The following MAPT variants were observed in gnomAD, a reference collection of about 807,000 sequenced individuals.
MAPT encodes the protein microtubule-associated protein tau.
MAPT carries 34 observed loss-of-function variants against 67.9 expected under a neutral mutation model. The ratio of observed to expected loss-of-function variants is 0.50; its 90% CI spans 0.38 to 0.67. The LOEUF (loss-of-function observed/expected upper bound fraction) is 0.67, where lower values mean the gene tolerates loss of function less well. Ranked by LOEUF, MAPT falls within the 30% of genes least tolerant of loss-of-function variation. MAPT has a pLI of 0.00. For missense variants in MAPT, 881 were observed against 1,115.2 expected, an observed-to-expected ratio of 0.79 and a Z score of 2.99; for synonymous variants, 456 against 464.5, an observed-to-expected ratio of 0.98 and a Z score of 0.23.
intron 1 of MAPT, among the ~76,000 whole-genome samples, chr17:45,949,142 C>T (rs942692213): frequency 1.3e-5 from 2 of 152,266 alleles, no homozygotes; most frequent in African/African-American, 4.8e-5. Context: ...AGGAGGACCA[C>T]GCTTTCCCCA....
intron 1 of MAPT, among the ~76,000 whole-genome samples, chr17:45,959,942 A>G (rs2070200497): frequency 6.6e-6 from 1 of 152,226 alleles, no homozygotes; most frequent in Admixed American, 6.5e-5. Context: ...AGTGCCCCTG[A>G]TGTTTACAAA....
intron 1 of MAPT, among the ~76,000 whole-genome samples, chr17:45,902,798 T>C (rs1266394559): frequency 6.6e-6 from 1 of 152,204 alleles, no homozygotes; most frequent in African/African-American, 2.4e-5. Flanking sequence ...CAGTTTTAAA[T>C]CAGCAAGTGA....
intron 6 of MAPT, 66 bp from the exon 7 acceptor site, chr17:45,989,812 T>C: frequency 7.0e-7 from 1 of 1,421,002 alleles, no homozygotes; most frequent in South Asian, 1.1e-5. Flanking sequence ...ACTGTCCTTT[T>C]TTCAGTTTGT....
Position 45,915,287 on chromosome 17 carries a change from G to C in MAPT, c.-18+20601G>C, listed in dbSNP as rs919430897. Reference sequence around the variant, plus strand: ...GAGTGTGTATGTGTGTGGTGTGGGGGTGTGTGCTGTGTGAGCGTGTGTGAG... The same window carrying C: ...GAGTGTGTATGTGTGTGGTGTGGGGCTGTGTGCTGTGTGAGCGTGTGTGAG... On this transcript the variant is annotated intron_variant, in intron 1 of 12. Transcript: ENST00000262410. The surrounding 1 kb of genome is among the most constrained non-coding windows in gnomAD (Gnocchi z 4.4). Among the ~76,000 whole-genome samples, 1 of 151,360 alleles carries C rather than the reference G, an allele frequency of 6.6e-6. No individual in the cohort carries two copies. Among genetic ancestry groups the C allele is most frequent in the African/African-American group, 2.4e-5 (1 of 41,112 alleles).
intron 10 of MAPT, 25 bp from the exon 11 acceptor site, chr17:46,014,216 TTC>T (rs753141819): frequency 7.2e-7 from 1 of 1,398,474 alleles, no homozygotes; most frequent in Non-Finnish European, 1.0e-6. Context: ...GCCTTTCCTC[TTC>T]TCTCTCCTCC....
chr17:45,919,276 A>G (rs1457954678), intron 1 of MAPT, among the ~76,000 whole-genome samples: 2 of 151,806 alleles, frequency 1.3e-5, no homozygotes, highest in East Asian at 3.9e-4. Context: ...TCCTCTAGAG[A>G]CAGTCCTCCT....
chr17:45,987,453 T>C lies in MAPT; in HGVS notation c.1407+358T>C, dbSNP rs555049752. Among the ~76,000 whole-genome samples the C allele has an allele frequency of 5.3e-5, 8 of 152,308 alleles. No homozygotes were observed. In the South Asian group the frequency reaches 1.2e-3, roughly 24 times the overall value. The stretch of plus-strand genomic sequence containing the variant: ...AGCCCTAGGACAGTAAATGAAGCCA[T>C]CTTCTCACTGCATAAACTGCACCCA... On this transcript the variant is annotated intron_variant, in intron 6 of 12. Transcript: ENST00000262410.
In MAPT at chr17:45,974,395, A is replaced by G. The variant is rs773274633; in HGVS notation, c.220+2450A>G. ...CTCGGTGGTTTCTAGATGTGACAGC[A>G]CCCTTAGTGGATGAGGGAGCTCCCG... On this transcript the variant is annotated intron_variant, in intron 3 of 12. Coordinates refer to ENST00000262410, the MANE Select transcript of MAPT (RefSeq NM_001377265.1). The G allele has an allele frequency of 5.0e-5, 81 of 1,607,270 alleles. No individual in the cohort carries two copies. The highest frequency in any genetic ancestry group is 6.7e-5 in the Non-Finnish European group (79 of 1,177,950).
chr17:45,965,775 G>A (rs1052429541), intron 2 of MAPT, among the ~76,000 whole-genome samples: 4 of 152,110 alleles, frequency 2.6e-5, no homozygotes, highest in African/African-American at 9.7e-5. Flanking sequence ...CCTGATTTGG[G>A]TGATAGTAAA....
At chr17:46,023,875 G>A in intron 12 of MAPT, 81 bp from the exon 13 acceptor site, 5 of 1,216,796 alleles carry the variant, frequency 4.1e-6, no homozygotes, top group Non-Finnish European at 6.1e-6. Flanking sequence ...GGCACTCTGG[G>A]CCAGGCCTGG....
rs772994199 is a variant in MAPT, at chr17:45,999,625, C to A, written c.1998+2961C>A. ...CCACCCTGCAGCTGCCCTGCCTCTGCCCATGAGGGGTGAGAGTCAGGCGAC... is the reference window on the plus strand; with the variant it reads ...CCACCCTGCAGCTGCCCTGCCTCTGACCATGAGGGGTGAGAGTCAGGCGAC... On this transcript the variant is annotated intron_variant, in intron 9 of 12. Coordinates refer to ENST00000262410, the MANE Select transcript of MAPT (RefSeq NM_001377265.1). 19 of 1,611,394 alleles carry A rather than the reference C, an allele frequency of 1.2e-5. No individual in the cohort carries two copies. The Admixed American group carries it at 2.8e-4, about 24-fold the overall frequency.
At chr17:45,931,531 G>A (rs1199877141) in intron 1 of MAPT, among the ~76,000 whole-genome samples, 3 of 152,146 alleles carry the variant, frequency 2.0e-5, no homozygotes, top group African/African-American at 7.2e-5. Context: ...GTTACTAAGT[G>A]AACTTTAAGA....
chr17:45,997,965 C>G (rs1460156740), intron 9 of MAPT, among the ~76,000 whole-genome samples: 1 of 152,144 alleles, frequency 6.6e-6, no homozygotes, highest in Non-Finnish European at 1.5e-5. Flanking sequence ...GCTCCCGCCA[C>G]CCAGCACTGG....
chr17:46,010,367 A>G lies in MAPT; in HGVS notation c.2056A>G (p.Lys686Glu). The G allele has an allele frequency of 6.3e-7, 1 of 1,583,660 alleles. No homozygotes were observed. Among genetic ancestry groups the G allele is most frequent in the Non-Finnish European group, 8.6e-7 (1 of 1,163,854 alleles). Reference protein sequence around the residue: ...LSNVQSKCGSKDNIKHVPGGG... With the variant: ...LSNVQSKCGSEDNIKHVPGGG... ...CAACGTCCAGTCCAAGTGTGGCTCAAAGGATAATATCAAACACGTCCCGGG... is the reference window on the plus strand; with the variant it reads ...CAACGTCCAGTCCAAGTGTGGCTCAGAGGATAATATCAAACACGTCCCGGG... Residue 686 changes from lysine (K) to glutamate (E), a missense_variant, in exon 10 of 13, where the codon AAG becomes GAG. Lys to Glu is a moderately conservative substitution (Grantham distance 56). This residue lies in a region of MAPT where 34 missense variants were observed against 51.2 expected (regional missense o/e 0.66). Coordinates refer to ENST00000262410, the MANE Select transcript of MAPT (RefSeq NM_001377265.1). This position sits in a 1 kb window ranked among gnomAD's most constrained non-coding sequence, Gnocchi z 4.7.
At chr17:45,938,978 T>A (rs567325889) in intron 1 of MAPT, among the ~76,000 whole-genome samples, 23 of 152,112 alleles carry the variant, frequency 1.5e-4, no homozygotes, top group African/African-American at 5.5e-4. Flanking sequence ...CACGCCCGAC[T>A]AATTTTTGTA....
At chr17:45,908,989 A>G (rs1221415464) in intron 1 of MAPT, among the ~76,000 whole-genome samples, 1 of 152,218 alleles carries the variant, frequency 6.6e-6, no homozygotes, top group Admixed American at 6.5e-5. Flanking sequence ...CCAAAACTGA[A>G]GGGTGGAGCC....
intron 2 of MAPT, among the ~76,000 whole-genome samples, chr17:45,966,810 A>G (rs2071135006): frequency 6.6e-6 from 1 of 152,212 alleles, no homozygotes; most frequent in African/African-American, 2.4e-5. Flanking sequence ...TATGCACTAT[A>G]TATACTGTAT....
At chr17:45,994,135 G>A (rs894851353) in intron 8 of MAPT, among the ~76,000 whole-genome samples, 1 of 152,082 alleles carries the variant, frequency 6.6e-6, no homozygotes, top group African/African-American at 2.4e-5. Flanking sequence ...TCTTCCCTGT[G>A]CAGTTTGCGC....
chr17:46,014,906 G>A (rs949224358), intron 11 of MAPT, among the ~76,000 whole-genome samples: 4 of 141,098 alleles, frequency 2.8e-5, no homozygotes, highest in African/African-American at 7.4e-5. Flanking sequence ...ACATGTTCTC[G>A]CTTCTTTGTG....
Sources: allele counts gnomAD v4.1 joint callset (sites outside exome capture counted in the v4.1 genomes callset), GRCh38; gene constraint gnomAD v4.1.1; regional missense constraint gnomAD v4.1.1; non-coding constraint Gnocchi (gnomAD v3.1); transcripts MANE v1.5; gene names NCBI Gene and HGNC (gene_info 2026-07-23, HGNC 2026-07-21).